The following MRC1 variants were observed in gnomAD, a reference collection of about 807,000 sequenced individuals.
MRC1 encodes the protein macrophage mannose receptor 1.
MRC1 carries 62 observed loss-of-function variants against 102.9 expected under a neutral mutation model. The ratio of observed to expected loss-of-function variants is 0.60; its 90% confidence interval spans 0.49 to 0.74. The LOEUF (loss-of-function observed/expected upper bound fraction) is 0.74, where lower values mean the gene tolerates loss of function less well. Ranked by LOEUF, MRC1 falls within the 30% of genes least tolerant of loss-of-function variation. The pLI is 0.00. For missense variants in MRC1, 1,237 were observed against 862.8 expected (o/e 1.43, Z -5.43); for synonymous variants, 457 against 298.4 (o/e 1.53, Z -5.48).
At chr10:17,892,394 T>G (rs1447509581) in intron 22 of MRC1, among the ~76,000 whole-genome samples, 1 of 152,242 alleles carries the variant, frequency 6.6e-6, no homozygotes, top group Non-Finnish European at 1.5e-5. Context: ...CTTGTTCCCT[T>G]TTTCTGCTCC....
At chr10:17,832,053 A>G (rs1564612337) in intron 3 of MRC1, among the ~76,000 whole-genome samples, 1 of 151,640 alleles carries the variant, frequency 6.6e-6, no homozygotes, top group Non-Finnish European at 1.5e-5. Flanking sequence ...TCAAAAGTTA[A>G]TAATTTATCT....
intron 1 of MRC1, 137 bp downstream of exon 1, chr10:17,809,663 C>T (rs968498620): frequency 3.3e-5 from 25 of 760,576 alleles, no homozygotes; most frequent in Non-Finnish European, 2.4e-5. Context: ...ACGCAGTCCA[C>T]GGCTAAGCCT....
intron 22 of MRC1, among the ~76,000 whole-genome samples, chr10:17,892,480 T>A (rs1444100534): frequency 6.6e-6 from 1 of 152,202 alleles, no homozygotes; most frequent in Non-Finnish European, 1.5e-5. Context: ...CAGCTGTTTG[T>A]CTTGTGACCT....
intron 3 of MRC1, among the ~76,000 whole-genome samples, chr10:17,832,207 C>A (rs1838584943): frequency 6.6e-6 from 1 of 151,508 alleles, no homozygotes; most frequent in South Asian, 2.1e-4. Context: ...AAAATATCCA[C>A]CTGCTGAGAA....
intron 3 of MRC1, among the ~76,000 whole-genome samples, chr10:17,830,842 A>G (rs2130606979): frequency 6.6e-6 from 1 of 150,860 alleles, no homozygotes; most frequent in East Asian, 1.9e-4. Flanking sequence ...TCCTAGGTTT[A>G]AAAACAACAA....
chr10:17,830,370 G>T (rs1838551435), intron 3 of MRC1, among the ~76,000 whole-genome samples: 1 of 151,440 alleles, frequency 6.6e-6, no homozygotes, highest in South Asian at 2.1e-4. Flanking sequence ...GACCTCAAAT[G>T]ATCCACCCAC....
intron 12 of MRC1, among the ~76,000 whole-genome samples, chr10:17,867,248 C>G (rs1029907672): frequency 6.7e-6 from 1 of 149,810 alleles, no homozygotes; most frequent in East Asian, 2.0e-4. Flanking sequence ...TCTCCCCCTT[C>G]CCCCTTTCCC....
intron 28 of MRC1, among the ~76,000 whole-genome samples, 194 bp downstream of exon 28, chr10:17,907,892 TG>T (rs1171000531): frequency 6.6e-6 from 1 of 152,256 alleles, no homozygotes; most frequent in Non-Finnish European, 1.5e-5. Context: ...ACTCTCTGTC[TG>T]CTTAGCTGTT....
Position 17,863,637 on chromosome 10 carries a change from A to C in MRC1, c.1738A>C (p.Ile580Leu), listed in dbSNP as rs1193350446. The C allele has an allele frequency of 6.4e-6, 5 of 780,768 alleles. No homozygotes were observed. Among genetic ancestry groups the C allele is most frequent in the Non-Finnish European group, 1.2e-5 (5 of 417,976 alleles). The allele number at this position is 780,768 out of a possible 1,614,324, so 48.4% of individuals were successfully genotyped here. A position where few individuals can be genotyped will look rare whatever the true frequency, so the allele number is the denominator to read the frequency against. The change falls in exon 11 of 30, where the codon ATC (isoleucine) becomes CTC (leucine). Residue 580 changes from isoleucine to leucine, a missense_variant. Transcript: ENST00000569591. ...IQTKGTFQWT[I>L]EEEVRFTHWN... ...AACCAAAGGGACTTTTCAGTGGACC[A>C]TCGAGGAAGAGGTTCGGTTCACCCA...
At chr10:17,845,474 GA>G (rs1554840158) in intron 6 of MRC1, 39 bp downstream of exon 6, 1 of 779,886 alleles carries the variant, frequency 1.3e-6, no homozygotes, top group East Asian at 2.4e-5. Context: ...TCAACTATTA[GA>G]ATTGAAAGAT....
At chr10:17,837,981 A>G (rs955469289) in intron 4 of MRC1, among the ~76,000 whole-genome samples, 1 of 152,066 alleles carries the variant, frequency 6.6e-6, no homozygotes, top group African/African-American at 2.4e-5. Context: ...AAGAGCTACT[A>G]CATACTAGTT....
rs899131267 is a variant in MRC1 at position 17,853,637 on chromosome 10, G to A, written c.1407+513G>A. Among the ~76,000 whole-genome samples, 26 of 150,946 alleles carry A rather than the reference G, an allele frequency of 1.7e-4. No homozygotes were observed. The East Asian group carries it at 2.5e-3, about 15-fold the overall frequency. ...ATATGTAAAAAGAGATTGTAGCCCC[G>A]TATATATGTGAGAGATATATATACA... is the stretch of plus-strand genomic sequence containing the variant. On this transcript the variant is annotated intron_variant, in intron 8 of 29. Coordinates refer to ENST00000569591, the MANE Select transcript of MRC1 (RefSeq NM_002438.4).
Position 17,823,424 on chromosome 10 carries a change from A to T in MRC1, c.412A>T (p.Arg138Trp). The part of the protein sequence containing the change: ...MLYKGSGLWS[R>W]WKIYGTTDNL... ...CTACAAGGGATCGGGTTTATGGAGC[A>T]GGTGGAAGATCTATGGAACCACAGA... Residue 138 changes from arginine to tryptophan, a missense_variant, in exon 2 of 30, where the codon AGG (arginine) becomes TGG (tryptophan). Transcript: ENST00000569591. The T allele has an allele frequency of 1.3e-6, 1 of 780,896 alleles. No individual in the cohort carries two copies. Among genetic ancestry groups the T allele is most frequent in the Admixed American group, 1.7e-5 (1 of 59,036 alleles). 48.4% of individuals were successfully genotyped at this position (780,896 alleles called of 1,614,324 possible).
chr10:17,890,892 C>T (rs1461194009), intron 22 of MRC1, among the ~76,000 whole-genome samples: 1 of 152,066 alleles, frequency 6.6e-6, no homozygotes, highest in African/African-American at 2.4e-5. Flanking sequence ...CCTCGTCACT[C>T]GCATCACTGC....
In MRC1 at chr10:17,817,141, T is replaced by A. The variant is rs1182362050; in HGVS notation, c.62-5933T>A. ...GGCACATGCCTATAGTCCCAGCTCCTGAGGAGGCTGAGGCACGAGAATCGC... is the reference window on the plus strand; with the variant it reads ...GGCACATGCCTATAGTCCCAGCTCCAGAGGAGGCTGAGGCACGAGAATCGC... On this transcript the variant is annotated intron_variant, in intron 1 of 29. Coordinates refer to ENST00000569591, the MANE Select transcript of MRC1 (RefSeq NM_002438.4). 4.6e-5 allele frequency among the ~76,000 whole-genome samples: 7 copies of A among 150,778 alleles called. No homozygotes were observed. The South Asian group carries it at 1.5e-3, about 32-fold the overall frequency.
chr10:17,907,409 G>A lies in MRC1; in HGVS notation c.3914-125G>A. ...ATTATAGTCTTGCCTGTTAAGTCTGGTTATAAATGACTATTGATTCTAGTA... is the reference window on the plus strand; with the variant it reads ...ATTATAGTCTTGCCTGTTAAGTCTGATTATAAATGACTATTGATTCTAGTA... On this transcript the variant is annotated intron_variant, in intron 27 of 29. Transcript: ENST00000569591. 7 of 722,646 alleles carry A rather than the reference G, an allele frequency of 9.7e-6. No individual in the cohort carries two copies. The South Asian group carries it at 1.1e-4, about 12-fold the overall frequency. The allele number at this position is 722,646 out of a possible 1,614,324, so 44.8% of individuals were successfully genotyped here.
chr10:17,901,034 C>T, intron 25 of MRC1, 81 bp downstream of exon 25: 2 of 730,428 alleles, frequency 2.7e-6, no homozygotes, highest in South Asian at 1.6e-5. Flanking sequence ...TATTATTAAA[C>T]AGTAATGTGT....
At chr10:17,848,364 A>G (rs1335430540) in intron 6 of MRC1, among the ~76,000 whole-genome samples, 1 of 152,192 alleles carries the variant, frequency 6.6e-6, no homozygotes, top group Admixed American at 6.5e-5. Flanking sequence ...TTCTCTTCCA[A>G]TACTCAATAC....
chr10:17,844,542 G>T (rs1225076444), intron 5 of MRC1, among the ~76,000 whole-genome samples: 1 of 152,108 alleles, frequency 6.6e-6, no homozygotes, highest in Non-Finnish European at 1.5e-5. Flanking sequence ...AGTGTGGCAG[G>T]TTTGGAACAT....
Sources: gnomAD v4.1 joint callset for allele counts (sites outside exome capture counted in the v4.1 genomes callset) on GRCh38, gnomAD v4.1.1 for gene constraint, MANE v1.5 for transcripts, NCBI Gene and HGNC (gene_info 2026-07-23, HGNC 2026-07-21) for gene names.